Variants in MYH11 observed in about 807,000 individuals in gnomAD.
The protein encoded by MYH11 is myosin-11.
A neutral mutation model predicts 246.6 loss-of-function variants in MYH11; 80 were observed. The observed-to-expected ratio is 0.32, with a 90% CI of 0.27 to 0.39. MYH11 has a LOEUF of 0.39. MYH11 is among the 10% of genes least tolerant of loss of function. The probability of loss-of-function intolerance (pLI) is 1.00; values close to 1 mark genes in which losing one functional copy is unlikely to be tolerated. For missense variants in MYH11, 2,158 were observed against 2,546.8 expected, an observed-to-expected ratio of 0.85 and a Z score of 3.29; for synonymous variants, 1,071 against 1,015.5, an observed-to-expected ratio of 1.05 and a Z score of -1.04.
chr16:15,826,763 G>A (rs1290094327), intron 2 of MYH11, among the ~76,000 whole-genome samples: 1 of 151,604 alleles, frequency 6.6e-6, no homozygotes, highest in Non-Finnish European at 1.5e-5. Flanking sequence ...AGACCAAGGA[G>A]GGCAGATTGC....
intron 36 of MYH11, 106 bp from the exon 37 acceptor site, chr16:15,718,544 G>T (rs2040295347): frequency 7.0e-7 from 1 of 1,436,912 alleles, no homozygotes; most frequent in Non-Finnish European, 9.3e-7. Flanking sequence ...CATCTAATGG[G>T]TGAAACTGAG....
chr16:15,742,182 A>C, intron 20 of MYH11: 2 of 513,814 alleles, frequency 3.9e-6, no homozygotes, highest in South Asian at 2.0e-5. Context: ...GGAGCTCTAA[A>C]TCAGAGCACC....
At chr16:15,761,254 G>A (rs2041861548) in intron 10 of MYH11, among the ~76,000 whole-genome samples, 1 of 151,942 alleles carries the variant, frequency 6.6e-6, no homozygotes, top group Non-Finnish European at 1.5e-5. Context: ...GGCATTATAG[G>A]TGCCTGCCAC....
chr16:15,839,083 A>G (rs1174702040), intron 1 of MYH11, among the ~76,000 whole-genome samples: 1 of 151,628 alleles, frequency 6.6e-6, no homozygotes, highest in Non-Finnish European at 1.5e-5. Flanking sequence ...GGTAGCGCAC[A>G]CCTGTAGTCT....
In MYH11 at chr16:15,750,153, G is replaced by A; in HGVS notation, c.2043C>T (p.Pro681=). ...CGGGCCTCACCCTCTTCTCGTGGTT[G>A]GGGATGATGCAGCGCACGAAGTTGG... ...TTPNFVRCII[P]NHEKRSGKLD... Residue 681 remains proline (P), a synonymous_variant, in exon 16 of 41, where the codon CCC becomes CCT. Transcript: ENST00000300036. The surrounding 1 kb of genome is among the most constrained non-coding windows in gnomAD (Gnocchi z 4.3). 1 of 1,614,204 alleles carries A rather than the reference G, an allele frequency of 6.2e-7. No homozygotes were observed. Among genetic ancestry groups the A allele is most frequent in the Admixed American group, 1.7e-5 (1 of 60,030 alleles).
chr16:15,751,918 C>A (rs994806866), intron 15 of MYH11, among the ~76,000 whole-genome samples: 1 of 152,126 alleles, frequency 6.6e-6, no homozygotes, highest in Non-Finnish European at 1.5e-5. Context: ...CCTGCCTCAG[C>A]CTCCCGAGTA....
chr16:15,726,777 G>C, intron 28 of MYH11, 71 bp downstream of exon 28: 1 of 1,577,142 alleles, frequency 6.3e-7, no homozygotes, highest in Non-Finnish European at 8.7e-7. Context: ...AGCGAGCCGG[G>C]AAGAGGCTCC....
intron 38 of MYH11, among the ~76,000 whole-genome samples, chr16:15,716,682 C>T (rs907381107): frequency 3.9e-5 from 6 of 152,120 alleles, no homozygotes; most frequent in Admixed American, 1.3e-4. Flanking sequence ...CCACCACACT[C>T]GGCTAATTTT....
At chr16:15,759,009 T>C (rs1235929529) in intron 12 of MYH11, among the ~76,000 whole-genome samples, 1 of 150,908 alleles carries the variant, frequency 6.6e-6, no homozygotes, top group Admixed American at 6.6e-5. Flanking sequence ...CTTCCCTTTC[T>C]CTGAGAACTT....
chr16:15,747,529 A>G (rs1555560235), intron 19 of MYH11, 41 bp downstream of exon 19: 1 of 1,613,640 alleles, frequency 6.2e-7, no homozygotes, highest in South Asian at 1.1e-5. Context: ...CCTGTTTGTG[A>G]TTCGCGTTTG....
chr16:15,826,250 A>G (rs2043561877), intron 2 of MYH11, among the ~76,000 whole-genome samples: 1 of 152,162 alleles, frequency 6.6e-6, no homozygotes, highest in Non-Finnish European at 1.5e-5. Flanking sequence ...ACAGGATCCC[A>G]GCCCTCAAGG....
rs1244696853 is a variant in MYH11, at chr16:15,703,437, G to A, written c.*554C>T. On this transcript the variant is annotated 3_prime_UTR_variant, in exon 41 of 41. Coordinates refer to ENST00000300036, the MANE Select transcript of MYH11 (RefSeq NM_002474.3). ...ATTTCATGTAAACAGAATTGCCAGG[G>A]ACCGGTTACCGTGGATATGTTTTTC... is the stretch of plus-strand genomic sequence containing the variant. 1 of 239,292 alleles carries A rather than the reference G, an allele frequency of 4.2e-6. No homozygotes were observed. Among genetic ancestry groups the A allele is most frequent in the East Asian group, 5.9e-5 (1 of 16,876 alleles). The allele number at this position is 239,292 out of a possible 1,614,324, so 14.8% of individuals were successfully genotyped here. A position where few individuals can be genotyped will look rare whatever the true frequency, so the allele number is the denominator to read the frequency against.
intron 3 of MYH11, among the ~76,000 whole-genome samples, chr16:15,813,395 A>G (rs2151341734): frequency 6.6e-6 from 1 of 152,232 alleles, no homozygotes; most frequent in East Asian, 1.9e-4. Context: ...TCTTTACTTT[A>G]TAATTTAATT....
chr16:15,738,690 T>G lies in MYH11; in HGVS notation c.2998-2A>C. On this transcript the variant is annotated splice_acceptor_variant, in intron 23 of 40. Transcript: ENST00000300036. LOFTEE classifies it high-confidence loss of function. ...CCTCTCCTCAAGGAGTTTTCGTTCC[T>G]TTTTGGGGAAAGAGAAAGAGATAGC... is the stretch of plus-strand genomic sequence containing the variant. The G allele has an allele frequency of 6.2e-7, 1 of 1,613,356 alleles. No homozygotes were observed. The highest frequency in any genetic ancestry group is 8.5e-7 in the Non-Finnish European group (1 of 1,179,494).
At chr16:15,704,879 T>C (rs2039365140) in intron 40 of MYH11, among the ~76,000 whole-genome samples, 2 of 152,208 alleles carry the variant, frequency 1.3e-5, no homozygotes, top group Admixed American at 6.5e-5. Context: ...GGTCTTGATA[T>C]TGTTGCCCAG....
At chr16:15,784,890 G>A in intron 5 of MYH11, 2 of 696,598 alleles carry the variant, frequency 2.9e-6, no homozygotes, top group Non-Finnish European at 4.9e-6. Context: ...TTTAGCTGCA[G>A]GAATACGATC....
rs927650713 is a variant in MYH11 at position 15,750,505 on chromosome 16, A to G, written c.1865-174T>C. On this transcript the variant is annotated intron_variant, in intron 15 of 40. Coordinates refer to ENST00000300036, the MANE Select transcript of MYH11 (RefSeq NM_002474.3). This position sits in a 1 kb window ranked among gnomAD's most constrained non-coding sequence, Gnocchi z 4.3. The stretch of plus-strand genomic sequence containing the variant: ...TATTGTCTATTGGGGAAATCCTGAG[A>G]GCACCTGAGTGGCAGAAAGAACAAA... Among the ~76,000 whole-genome samples, 1 of 152,146 alleles carries G rather than the reference A, an allele frequency of 6.6e-6. No individual in the cohort carries two copies. The highest frequency in any genetic ancestry group is 1.5e-5 in the Non-Finnish European group (1 of 68,024).
chr16:15,813,384 T>G (rs1197604582), intron 3 of MYH11, among the ~76,000 whole-genome samples: 2 of 152,112 alleles, frequency 1.3e-5, no homozygotes, highest in Non-Finnish European at 2.9e-5. Context: ...TTTGTCAGCC[T>G]TCTTTACTTT....
intron 2 of MYH11, among the ~76,000 whole-genome samples, chr16:15,830,423 C>A (rs1248000354): frequency 6.6e-6 from 1 of 152,112 alleles, no homozygotes; most frequent in Non-Finnish European, 1.5e-5. Context: ...ATGGTTCATC[C>A]CTATAGCAGA....
Sources: gnomAD v4.1 joint callset for allele counts (sites outside exome capture counted in the v4.1 genomes callset) on GRCh38, gnomAD v4.1.1 for gene constraint, Gnocchi (gnomAD v3.1) non-coding constraint, MANE v1.5 for transcripts, NCBI Gene and HGNC (gene_info 2026-07-23, HGNC 2026-07-21) for gene names.